The following SLIT3 variants were observed in gnomAD, a reference collection of about 807,000 sequenced individuals.
SLIT3 encodes slit guidance ligand 3.
Under a neutral mutation model 184.0 loss-of-function variants are expected in SLIT3, and 68 were observed. The observed-to-expected ratio is 0.37, with a 90% confidence interval of 0.30 to 0.45. The LOEUF is 0.45. Ranked by LOEUF, SLIT3 falls within the 20% of genes least tolerant of loss-of-function variation. The pLI is 1.00. For missense variants in SLIT3, 1,707 were observed against 2,026.0 expected (o/e 0.84, Z 3.02); for synonymous variants, 831 against 828.6 (o/e 1.00, Z -0.05).
intron 4 of SLIT3, among the ~76,000 whole-genome samples, chr5:169,170,309 A>C (rs992041764): frequency 6.6e-6 from 1 of 152,160 alleles, no homozygotes; most frequent in Non-Finnish European, 1.5e-5. Context: ...GACTGCGGAA[A>C]TATCAAACAG....
At chr5:169,237,293 A>G (rs1294711829) in intron 3 of SLIT3, among the ~76,000 whole-genome samples, 1 of 152,206 alleles carries the variant, frequency 6.6e-6, no homozygotes, top group African/African-American at 2.4e-5. Context: ...GTAAAATTTT[A>G]TAGGTTTTGA....
intron 4 of SLIT3, among the ~76,000 whole-genome samples, chr5:169,059,157 T>C (rs1758100383): frequency 1.3e-5 from 2 of 152,194 alleles, no homozygotes; most frequent in Admixed American, 6.5e-5. Flanking sequence ...GTAGAGTCAC[T>C]GTCAGAATCC....
chr5:168,771,365 A>C, intron 14 of SLIT3, among the ~76,000 whole-genome samples: 1 of 152,268 alleles, frequency 6.6e-6, no homozygotes, highest in South Asian at 2.1e-4. Flanking sequence ...TCATCCCCAA[A>C]TATTCCTTCT....
At chr5:168,728,199 T>C (rs1763193571) in intron 20 of SLIT3, among the ~76,000 whole-genome samples, 1 of 151,826 alleles carries the variant, frequency 6.6e-6, no homozygotes, top group African/African-American at 2.4e-5. Context: ...ACTGATCCTA[T>C]GCCCTGCCGA....
chr5:168,970,664 T>C (rs763346621), intron 4 of SLIT3, among the ~76,000 whole-genome samples: 23 of 152,154 alleles, frequency 1.5e-4, no homozygotes, highest in Admixed American at 3.3e-4. Context: ...ATGGCATTTG[T>C]TGTGGGGTAT....
Position 168,794,138 on chromosome 5 carries a change from C to T in SLIT3, c.1007+1369G>A, listed in dbSNP as rs111229186. Among the ~76,000 whole-genome samples, 349 of 152,238 alleles carry T rather than the reference C, an allele frequency of 2.3e-3. 2 individuals are homozygous for T. Among genetic ancestry groups the T allele is most frequent in the African/African-American group, 7.8e-3 (325 of 41,538 alleles). On this transcript the variant is annotated intron_variant, in intron 10 of 35. Transcript: ENST00000519560. ...AGACACTTAACCTCTTTACTGTGGG[C>T]CCTCCCACTCGAGGGAAAGCAATGA... is the stretch of plus-strand genomic sequence containing the variant.
At chr5:169,030,485 G>C (rs1412157025) in intron 4 of SLIT3, 1 of 152,280 alleles carries the variant, frequency 6.6e-6, no homozygotes, top group Non-Finnish European at 1.5e-5. Flanking sequence ...CTCCTGATCC[G>C]CAGGCGGAGA....
At chr5:168,698,891 T>C (rs1582543347) in intron 27 of SLIT3, among the ~76,000 whole-genome samples, 1 of 152,224 alleles carries the variant, frequency 6.6e-6, no homozygotes, top group African/African-American at 2.4e-5. Context: ...CATCTGAAAC[T>C]CTTCAACAAC....
intron 3 of SLIT3, among the ~76,000 whole-genome samples, chr5:169,232,645 C>T (rs187134817): frequency 8.5e-5 from 13 of 152,332 alleles, no homozygotes; most frequent in Admixed American, 2.6e-4. Flanking sequence ...CCCAATTACT[C>T]TAGCACAATT....
At chr5:168,863,189 A>T (rs1476536629) in intron 5 of SLIT3, among the ~76,000 whole-genome samples, 1 of 152,192 alleles carries the variant, frequency 6.6e-6, no homozygotes, top group African/African-American at 2.4e-5. Context: ...CCAATGAATC[A>T]ATTTTTTTTC....
chr5:169,202,285 A>G (rs1031939908), intron 3 of SLIT3, among the ~76,000 whole-genome samples: 2 of 152,162 alleles, frequency 1.3e-5, no homozygotes, highest in Admixed American at 6.5e-5. Flanking sequence ...TTGTCCATCT[A>G]TCCATCCTTC....
chr5:168,842,636 G>C (rs1273531144), intron 6 of SLIT3, among the ~76,000 whole-genome samples: 3 of 152,116 alleles, frequency 2.0e-5, no homozygotes, highest in Non-Finnish European at 4.4e-5. Context: ...GTTTTTAAAA[G>C]TTGGGGAGAT....
At chr5:169,078,244 C>T (rs79446739) in intron 4 of SLIT3, among the ~76,000 whole-genome samples, 4 of 152,292 alleles carry the variant, frequency 2.6e-5, no homozygotes, top group Non-Finnish European at 4.4e-5. Flanking sequence ...CCAAGTCCAA[C>T]GCAAACCAGC....
intron 6 of SLIT3, among the ~76,000 whole-genome samples, chr5:168,838,606 C>T (rs1447140263): frequency 1.3e-5 from 2 of 152,202 alleles, no homozygotes; most frequent in Non-Finnish European, 2.9e-5. Context: ...ACTCTGGGTT[C>T]TCTGAAGTGG....
intron 6 of SLIT3, among the ~76,000 whole-genome samples, chr5:168,825,484 T>G (rs879512293): frequency 4.0e-4 from 58 of 144,318 alleles, no homozygotes; most frequent in African/African-American, 1.4e-3. Flanking sequence ...ACTGTGCACC[T>G]ACCATGTGTC....
intron 5 of SLIT3, among the ~76,000 whole-genome samples, chr5:168,870,465 C>T (rs2113765414): frequency 6.6e-6 from 1 of 152,350 alleles, no homozygotes; most frequent in East Asian, 1.9e-4. Flanking sequence ...CACAGTGAGC[C>T]CAGCTCAGAC....
At chr5:168,988,798 T>C in intron 4 of SLIT3, among the ~76,000 whole-genome samples, 1 of 152,130 alleles carries the variant, frequency 6.6e-6, no homozygotes, top group Non-Finnish European at 1.5e-5. Context: ...CAGGCAGCAC[T>C]AGAATTGAGC....
intron 16 of SLIT3, among the ~76,000 whole-genome samples, chr5:168,759,452 A>G (rs1424455869): frequency 2.0e-5 from 3 of 152,244 alleles, no homozygotes; most frequent in Non-Finnish European, 4.4e-5. Context: ...TCTGTAAGAC[A>G]CATCACAGCC....
intron 4 of SLIT3, among the ~76,000 whole-genome samples, chr5:169,049,663 C>T (rs559478933): frequency 5.9e-5 from 9 of 152,280 alleles, no homozygotes; most frequent in Admixed American, 2.6e-4. Context: ...GGATGCCGGG[C>T]GGCTTCTAAT....
Sources: gnomAD v4.1 joint callset for allele counts (sites outside exome capture counted in the v4.1 genomes callset) on GRCh38, gnomAD v4.1.1 for gene constraint, MANE v1.5 for transcripts, NCBI Gene and HGNC (gene_info 2026-07-23, HGNC 2026-07-21) for gene names.